The following PXT1 variants were observed in gnomAD, a reference collection of about 807,000 sequenced individuals.
PXT1 encodes the protein peroxisomal testis enriched protein 1, also known as peroxisomal testis-specific protein 1.
Under a neutral mutation model 11.0 loss-of-function variants are expected in PXT1, and 11 were observed. The ratio of observed to expected loss-of-function variants is 1.00; its 90% CI spans 0.63 to 1.66. PXT1 has a LOEUF of 1.66. Ranked by LOEUF, PXT1 falls within the 40% of genes most tolerant of loss-of-function variation. PXT1 has a pLI of 0.00. For missense variants in PXT1, 141 were observed against 155.5 expected, an observed-to-expected ratio of 0.91 and a Z score of 0.49; for synonymous variants, 43 against 51.4, an observed-to-expected ratio of 0.84 and a Z score of 0.70.
intron 4 of PXT1, among the ~76,000 whole-genome samples, chr6:36,395,656 C>T (rs990520660): frequency 7.2e-5 from 11 of 151,882 alleles, no homozygotes; most frequent in African/African-American, 1.2e-4. Flanking sequence ...CCACCACACT[C>T]GGCTGGAATT....
At chr6:36,424,009 G>C (rs915576107) in intron 3 of PXT1, among the ~76,000 whole-genome samples, 1 of 152,194 alleles carries the variant, frequency 6.6e-6, no homozygotes, top group Non-Finnish European at 1.5e-5. Flanking sequence ...CTTTTGAAGT[G>C]AAACTGTAAT....
intron 3 of PXT1, among the ~76,000 whole-genome samples, chr6:36,407,957 CTTTT>C (rs61251776): frequency 4.4e-5 from 6 of 136,148 alleles, no homozygotes; most frequent in African/African-American, 5.4e-5. Flanking sequence ...CTTTTTCTTT[CTTTT>C]TTTTTTTTTT....
chr6:36,433,330 A>G (rs1774718820), intron 2 of PXT1, among the ~76,000 whole-genome samples: 1 of 152,222 alleles, frequency 6.6e-6, no homozygotes, highest in Non-Finnish European at 1.5e-5. Context: ...CTATAATTAG[A>G]AATCTGTAAA....
At chr6:36,434,785 A>C (rs756042235) in intron 2 of PXT1, among the ~76,000 whole-genome samples, 2 of 152,260 alleles carry the variant, frequency 1.3e-5, no homozygotes, top group Non-Finnish European at 2.9e-5. Context: ...AAATATTTGA[A>C]ATGTCTGTGG....
chr6:36,440,493 C>G (rs982741677), intron 1 of PXT1, among the ~76,000 whole-genome samples: 1 of 151,708 alleles, frequency 6.6e-6, no homozygotes, highest in Non-Finnish European at 1.5e-5. Context: ...TGGCGTGAAC[C>G]TGGGAGGGGG....
intron 2 of PXT1, among the ~76,000 whole-genome samples, chr6:36,430,095 T>A (rs1235615292): frequency 2.6e-5 from 4 of 151,692 alleles, no homozygotes; most frequent in Non-Finnish European, 1.5e-5. Flanking sequence ...TAGTCCCAGC[T>A]ACTTGGGAGG....
At chr6:36,424,057 G>A (rs780733866) in intron 3 of PXT1, among the ~76,000 whole-genome samples, 25 of 152,212 alleles carry the variant, frequency 1.6e-4, no homozygotes, top group Admixed American at 2.6e-4. Flanking sequence ...AACGCCCACA[G>A]AACGCCTCGG....
At chr6:36,436,040 C>T (rs529121251) in intron 2 of PXT1, among the ~76,000 whole-genome samples, 1 of 143,420 alleles carries the variant, frequency 7.0e-6, no homozygotes, top group African/African-American at 2.6e-5. Context: ...AAATAAACTG[C>T]TTAACAATGA....
At chr6:36,403,840 C>T (rs1035677978) in intron 3 of PXT1, among the ~76,000 whole-genome samples, 6 of 152,088 alleles carry the variant, frequency 3.9e-5, no homozygotes, top group Admixed American at 3.3e-4. Flanking sequence ...TGCACTCCAG[C>T]CTGGGTGACA....
intron 4 of PXT1, among the ~76,000 whole-genome samples, chr6:36,394,540 TACCTAG>T (rs1376847265): frequency 1.3e-5 from 2 of 151,876 alleles, no homozygotes; most frequent in Admixed American, 6.6e-5. Flanking sequence ...GATGGTGTAG[TACCTAG>T]ACCCGGTGAC....
At chr6:36,419,528 T>A (rs536631611) in intron 3 of PXT1, among the ~76,000 whole-genome samples, 1 of 152,308 alleles carries the variant, frequency 6.6e-6, no homozygotes, top group African/African-American at 2.4e-5. Flanking sequence ...CAAAAGCATG[T>A]TGAAACTTGA....
At chr6:36,421,775 C>T (rs1304318631) in intron 3 of PXT1, among the ~76,000 whole-genome samples, 1 of 152,118 alleles carries the variant, frequency 6.6e-6, no homozygotes, top group Non-Finnish European at 1.5e-5. Context: ...AGCTTAGTTT[C>T]TACAAACTTT....
At chr6:36,437,185 G>C (rs1774777086) in intron 2 of PXT1, among the ~76,000 whole-genome samples, 1 of 152,082 alleles carries the variant, frequency 6.6e-6, no homozygotes, top group Non-Finnish European at 1.5e-5. Context: ...TACTTGGGAG[G>C]CTAAGGCAGG....
intron 1 of PXT1, among the ~76,000 whole-genome samples, chr6:36,440,157 A>G (rs1561936552): frequency 6.6e-6 from 1 of 152,200 alleles, no homozygotes; most frequent in Non-Finnish European, 1.5e-5. Flanking sequence ...ACAGTTCAAA[A>G]TCTAGGGATT....
At chr6:36,423,484 A>T (rs764262970) in intron 3 of PXT1, among the ~76,000 whole-genome samples, 10 of 152,168 alleles carry the variant, frequency 6.6e-5, no homozygotes, top group East Asian at 1.9e-4. Context: ...GCACATGGCG[A>T]CGCGGCCGGC....
intron 3 of PXT1, among the ~76,000 whole-genome samples, chr6:36,406,890 T>A (rs1774299704): frequency 6.6e-6 from 1 of 151,824 alleles, no homozygotes; most frequent in Non-Finnish European, 1.5e-5. Flanking sequence ...CAAGTTCAGT[T>A]CCTTTTCATA....
intron 3 of PXT1, among the ~76,000 whole-genome samples, chr6:36,422,233 C>T (rs1187109442): frequency 6.6e-6 from 1 of 152,158 alleles, no homozygotes; most frequent in Non-Finnish European, 1.5e-5. Flanking sequence ...GAACAAATGT[C>T]TCCTGAGAAC....
intron 3 of PXT1, among the ~76,000 whole-genome samples, chr6:36,412,482 A>C (rs1774388869): frequency 6.6e-6 from 1 of 151,940 alleles, no homozygotes; most frequent in African/African-American, 2.4e-5. Context: ...CAACATGGTG[A>C]AACCCCGTCT....
chr6:36,395,208 A>G (rs928192172), intron 4 of PXT1, among the ~76,000 whole-genome samples: 2 of 152,174 alleles, frequency 1.3e-5, no homozygotes, highest in Admixed American at 6.5e-5. Flanking sequence ...AGAGCAAAAA[A>G]TTTGGCAGCT....
Sources: allele counts gnomAD v4.1 joint callset (sites outside exome capture counted in the v4.1 genomes callset), GRCh38; gene constraint gnomAD v4.1.1; transcripts MANE v1.5; gene names NCBI Gene and HGNC (gene_info 2026-07-23, HGNC 2026-07-21).